The following GRB10 variants were observed in gnomAD, a reference collection of about 807,000 sequenced individuals.
GRB10 encodes growth factor receptor-bound protein 10.
Under a neutral mutation model 80.9 loss-of-function variants are expected in GRB10, and 20 were observed. The ratio of observed to expected loss-of-function variants is 0.25; its 90% CI spans 0.17 to 0.36. The LOEUF (loss-of-function observed/expected upper bound fraction) is 0.36. Among genes scored for constraint, GRB10 ranks in the 10% least tolerant of loss-of-function variants. The pLI, the probability that GRB10 is intolerant of heterozygous loss-of-function variation, is 1.00. For missense variants in GRB10, 548 were observed against 747.7 expected, an observed-to-expected ratio of 0.73 and a Z score of 3.12; for synonymous variants, 291 against 291.5, an observed-to-expected ratio of 1.00 and a Z score of 0.02.
intron 7 of GRB10, among the ~76,000 whole-genome samples, chr7:50,636,017 G>A (rs2054952061): frequency 1.6e-5 from 2 of 122,790 alleles, no homozygotes; most frequent in African/African-American, 6.2e-5. Context: ...CTGTCTCCCA[G>A]GCTGGAGTGC....
chr7:50,591,875 A>AC lies in GRB10; in HGVS notation c.*1076dup, dbSNP rs1180421031. The AC allele has an allele frequency of 2.0e-5, 3 of 151,996 alleles. No individual in the cohort carries two copies. Among genetic ancestry groups the AC allele is most frequent in the African/African-American group, 7.3e-5 (3 of 41,334 alleles). The allele number at this position is 151,996 out of a possible 1,614,324, so 9.4% of individuals were successfully genotyped here. Reference sequence around the variant, plus strand: ...TTTCCTTGTCTTTATCACTATGGAAACCCATGAGACACAGCACGAAGACAA... The same window carrying AC: ...TTTCCTTGTCTTTATCACTATGGAAACCCCATGAGACACAGCACGAAGACAA... On this transcript the variant is annotated 3_prime_UTR_variant, in exon 19 of 19. Transcript: ENST00000401949.
At position 50,765,149 on chromosome 7, in the gene GRB10, T is replaced by A. The variant is rs2076205444; in HGVS notation, c.-216-9093A>T. 2.6e-5 allele frequency among the ~76,000 whole-genome samples: 4 copies of A among 152,264 alleles called. No homozygotes were observed. The South Asian group carries it at 8.3e-4, about 32-fold the overall frequency. On this transcript the variant is annotated intron_variant, in intron 2 of 18. Transcript: ENST00000401949. ...ATCATCTCACCCCAGTTAAAATGAC[T>A]ATTATCAAAAAGGGAATAATGGATA...
At chr7:50,659,515 G>A (rs1281049215) in intron 7 of GRB10, among the ~76,000 whole-genome samples, 1 of 152,196 alleles carries the variant, frequency 6.6e-6, no homozygotes, top group Admixed American at 6.5e-5. Context: ...ACCCGAACCT[G>A]CCAACGCTCA....
chr7:50,614,363 C>T (rs1486240847), intron 12 of GRB10, among the ~76,000 whole-genome samples: 1 of 152,150 alleles, frequency 6.6e-6, no homozygotes, highest in Non-Finnish European at 1.5e-5. Context: ...CTGACCATCC[C>T]CACAGCCAGA....
intron 7 of GRB10, among the ~76,000 whole-genome samples, chr7:50,632,147 A>AT (rs149025848): frequency 0.099 from 15,032 of 152,154 alleles, 961 homozygotes; most frequent in Non-Finnish European, 0.11. Flanking sequence ...TTCTGCCATT[A>AT]TTTTTAGTTC....
intron 7 of GRB10, among the ~76,000 whole-genome samples, chr7:50,645,899 G>A (rs1300119705): frequency 6.6e-6 from 1 of 152,162 alleles, no homozygotes; most frequent in Admixed American, 6.5e-5. Context: ...CCTAGCCAGT[G>A]GCCAGCCCCC....
At chr7:50,603,814 T>C (rs895443178) in intron 17 of GRB10, among the ~76,000 whole-genome samples, 184 bp downstream of exon 17, 9 of 152,252 alleles carry the variant, frequency 5.9e-5, no homozygotes, top group African/African-American at 2.2e-4. Flanking sequence ...GATCCCTTTC[T>C]GCCCCTTACT....
At chr7:50,667,809 G>T (rs1392592883) in intron 7 of GRB10, among the ~76,000 whole-genome samples, 3 of 152,314 alleles carry the variant, frequency 2.0e-5, no homozygotes. Flanking sequence ...AACAAGCTCT[G>T]ATCCCAAGAA....
intron 3 of GRB10, among the ~76,000 whole-genome samples, chr7:50,743,987 C>A (rs1587764600): frequency 6.6e-6 from 1 of 152,154 alleles, no homozygotes; most frequent in African/African-American, 2.4e-5. Flanking sequence ...AGGAAAACAC[C>A]AATTTTCTAG....
chr7:50,629,407 G>A (rs1383202789), intron 7 of GRB10, among the ~76,000 whole-genome samples: 1 of 152,172 alleles, frequency 6.6e-6, no homozygotes, highest in Non-Finnish European at 1.5e-5. Flanking sequence ...ACTCCTTTTA[G>A]ATTCCCACAG....
At chr7:50,776,103 T>G (rs1389907407) in intron 2 of GRB10, among the ~76,000 whole-genome samples, 2 of 152,216 alleles carry the variant, frequency 1.3e-5, no homozygotes, top group African/African-American at 2.4e-5. Context: ...CTTCCTTCTA[T>G]CCATACTAAT....
At chr7:50,654,689 A>T (rs1184909752) in intron 7 of GRB10, among the ~76,000 whole-genome samples, 1 of 152,224 alleles carries the variant, frequency 6.6e-6, no homozygotes, top group African/African-American at 2.4e-5. Context: ...CTCTGTATAT[A>T]TTCTTCACCT....
intron 2 of GRB10, chr7:50,762,140 G>A (rs1159475565): frequency 6.6e-6 from 1 of 151,804 alleles, no homozygotes; most frequent in African/African-American, 2.4e-5. Context: ...GTAAGACCAT[G>A]CACTGAAAAA....
At chr7:50,683,800 A>G (rs1489257440) in intron 5 of GRB10, among the ~76,000 whole-genome samples, 2 of 152,172 alleles carry the variant, frequency 1.3e-5, no homozygotes, top group African/African-American at 2.4e-5. Context: ...TGTGTTAGGT[A>G]TATTTTACCA....
At chr7:50,744,777 T>C (rs1188888639) in intron 3 of GRB10, among the ~76,000 whole-genome samples, 2 of 152,216 alleles carry the variant, frequency 1.3e-5, no homozygotes, top group Non-Finnish European at 2.9e-5. Flanking sequence ...TTAAAGCGTA[T>C]ACTTGCAACA....
intron 5 of GRB10, among the ~76,000 whole-genome samples, chr7:50,696,174 C>A (rs796708245): frequency 2.0e-5 from 3 of 152,154 alleles, no homozygotes; most frequent in African/African-American, 7.2e-5. Flanking sequence ...CATGCACACA[C>A]ATGCACACGT....
intron 4 of GRB10, 61 bp downstream of exon 4, chr7:50,732,211 T>A: frequency 1.3e-6 from 2 of 1,522,260 alleles, no homozygotes; most frequent in Non-Finnish European, 1.8e-6. Flanking sequence ...TGGCGACATG[T>A]GTGCCCTGGC....
At chr7:50,622,682 C>A (rs1052731705) in intron 8 of GRB10, among the ~76,000 whole-genome samples, 20 of 152,214 alleles carry the variant, frequency 1.3e-4, no homozygotes, top group Non-Finnish European at 2.9e-4. Flanking sequence ...AGGTGCCCCC[C>A]ACATTCCCAG....
chr7:50,731,012 G>A (rs900465618), intron 4 of GRB10, among the ~76,000 whole-genome samples: 2 of 152,172 alleles, frequency 1.3e-5, no homozygotes, highest in East Asian at 3.9e-4. Context: ...CTGGCCACAC[G>A]AGAACTGGAC....
Sources: gnomAD v4.1 joint callset for allele counts (sites outside exome capture counted in the v4.1 genomes callset) on GRCh38, gnomAD v4.1.1 for gene constraint, MANE v1.5 for transcripts, NCBI Gene and HGNC (gene_info 2026-07-23, HGNC 2026-07-21) for gene names.